KLHL2: variants seen among roughly 807,000 people sequenced by gnomAD.
KLHL2 encodes kelch-like protein 2.
A neutral mutation model predicts 75.8 loss-of-function variants in KLHL2; 15 were observed. The ratio of observed to expected loss-of-function variants is 0.20; its 90% CI spans 0.13 to 0.30. KLHL2 has a LOEUF of 0.30. Ranked by LOEUF, KLHL2 falls within the 10% of genes least tolerant of loss-of-function variation. The pLI is 1.00. For missense variants in KLHL2, 381 were observed against 741.0 expected (o/e 0.51, Z 5.64); for synonymous variants, 214 against 251.9 (o/e 0.85, Z 1.42).
chr4:165,259,070 T>TA (rs1315713168), intron 4 of KLHL2, among the ~76,000 whole-genome samples: 2 of 152,072 alleles, frequency 1.3e-5, no homozygotes, highest in South Asian at 2.1e-4. Context: ...GAAAATAACT[T>TA]AAAAAAATGT....
At chr4:165,242,586 TC>T (rs1382981881) in intron 4 of KLHL2, among the ~76,000 whole-genome samples, 3 of 152,142 alleles carry the variant, frequency 2.0e-5, no homozygotes, top group Non-Finnish European at 4.4e-5. Context: ...AACCTTCTCT[TC>T]CCAGGTTCAA....
Position 165,248,883 on chromosome 4 carries a change from CTG to C in KLHL2, c.381+9985_381+9986del, listed in dbSNP as rs1486184834. ...AGTTTCATGAACAGTAGAGATGTAA[CTG>C]AATATATGTTATTGTTTATGCATAA... On this transcript the variant is annotated intron_variant, in intron 4 of 14. Transcript: ENST00000226725. 2.6e-5 allele frequency among the ~76,000 whole-genome samples: 4 copies of C among 152,228 alleles called. No individual in the cohort carries two copies. The East Asian group carries it at 7.7e-4, about 29-fold the overall frequency.
chr4:165,257,052 T>A (rs1441221207), intron 4 of KLHL2, among the ~76,000 whole-genome samples: 1 of 152,286 alleles, frequency 6.6e-6, no homozygotes, highest in Non-Finnish European at 1.5e-5. Context: ...TAAGTTCTTC[T>A]CAATTTTTTA....
chr4:165,288,265 C>G (rs1259919733), intron 5 of KLHL2, among the ~76,000 whole-genome samples: 1 of 152,090 alleles, frequency 6.6e-6, no homozygotes, highest in African/African-American at 2.4e-5. Context: ...GTTCTTTTCC[C>G]ATTGAGTGGT....
At chr4:165,208,020 T>C in intron 1 of KLHL2, 118 bp downstream of exon 1, 2 of 636,082 alleles carry the variant, frequency 3.1e-6, no homozygotes, top group Non-Finnish European at 4.4e-6. Context: ...AGGTGGGAGA[T>C]GCGGGGCGTG....
At chr4:165,210,144 T>C in intron 1 of KLHL2, 1 of 1,551,722 alleles carries the variant, frequency 6.4e-7, no homozygotes. Context: ...AAGTGCCTTA[T>C]GGTATGGTTG....
Position 165,308,655 on chromosome 4 carries a change from A to G in KLHL2, c.1040-1898A>G, listed in dbSNP as rs529155284. Among the ~76,000 whole-genome samples, 67 of 152,292 alleles carry G rather than the reference A, an allele frequency of 4.4e-4. 1 individual carries two copies. The South Asian group carries it at 7.7e-3, about 17-fold the overall frequency. The stretch of plus-strand genomic sequence containing the variant: ...TTCTCTAAACCTTGGTAAGCATACT[A>G]TGTTACTTCTAAGAGATGGCATATT... On this transcript the variant is annotated intron_variant, in intron 9 of 14. Coordinates refer to ENST00000226725, the MANE Select transcript of KLHL2 (RefSeq NM_007246.4).
At chr4:165,242,973 G>A (rs183255227) in intron 4 of KLHL2, among the ~76,000 whole-genome samples, 3 of 152,340 alleles carry the variant, frequency 2.0e-5, no homozygotes, top group Admixed American at 2.0e-4. Context: ...TTACCCCAAT[G>A]TGATTGAAGA....
chr4:165,220,583 G>T (rs1295336559), intron 2 of KLHL2, among the ~76,000 whole-genome samples: 2 of 152,114 alleles, frequency 1.3e-5, no homozygotes, highest in Non-Finnish European at 1.5e-5. Flanking sequence ...TTAAAAATAA[G>T]AGAATATATT....
At chr4:165,243,051 G>A (rs1195722606) in intron 4 of KLHL2, among the ~76,000 whole-genome samples, 1 of 152,156 alleles carries the variant, frequency 6.6e-6, no homozygotes, top group East Asian at 1.9e-4. Flanking sequence ...TCATTAACTA[G>A]TATTGCTTAC....
intron 6 of KLHL2, 109 bp downstream of exon 6, chr4:165,294,577 G>A: frequency 2.0e-6 from 1 of 509,660 alleles, no homozygotes; most frequent in Non-Finnish European, 3.5e-6. Flanking sequence ...GACAGCCAGT[G>A]ATGTTTCAAC....
chr4:165,305,353 T>A (rs147998377), intron 8 of KLHL2, among the ~76,000 whole-genome samples: 1 of 152,302 alleles, frequency 6.6e-6, no homozygotes, highest in Non-Finnish European at 1.5e-5. Flanking sequence ...CTGCTTTTGC[T>A]TGAAGGATCA....
At chr4:165,272,884 A>C (rs1479303694) in intron 5 of KLHL2, among the ~76,000 whole-genome samples, 1 of 152,182 alleles carries the variant, frequency 6.6e-6, no homozygotes. Context: ...TTTCATGAAA[A>C]ATTATTCACT....
intron 5 of KLHL2, among the ~76,000 whole-genome samples, chr4:165,292,404 C>CA (rs1744587731): frequency 6.6e-6 from 1 of 152,112 alleles, no homozygotes; most frequent in Non-Finnish European, 1.5e-5. Context: ...GTGATCTCGG[C>CA]TTACTGCAAC....
intron 5 of KLHL2, chr4:165,279,778 G>T: frequency 1.1e-5 from 8 of 759,024 alleles, no homozygotes; most frequent in Non-Finnish European, 1.9e-5. Flanking sequence ...TTCTTTACTG[G>T]CTGGCTAGCA....
rs550979764 is a variant in KLHL2, at chr4:165,240,901, A to G, written c.381+2002A>G. On this transcript the variant is annotated intron_variant, in intron 4 of 14. Coordinates refer to ENST00000226725, the MANE Select transcript of KLHL2 (RefSeq NM_007246.4). ...GTTCTTGTGGTGGGGACATGGGCCT[A>G]TTAGGAATTAGGAGAACACCTCTCA... Among the ~76,000 whole-genome samples the G allele has an allele frequency of 2.0e-5, 3 of 152,320 alleles. No individual in the cohort carries two copies. In the East Asian group the frequency reaches 5.8e-4, roughly 29 times the overall value.
intron 5 of KLHL2, among the ~76,000 whole-genome samples, chr4:165,273,383 A>G (rs545504206): frequency 6.6e-6 from 1 of 152,306 alleles, no homozygotes; most frequent in Non-Finnish European, 1.5e-5. Flanking sequence ...TCTTTGGTGT[A>G]TTGATAACTA....
Position 165,264,857 on chromosome 4 carries a change from G to C in KLHL2, c.544+1498G>C, listed in dbSNP as rs1289056774. The stretch of plus-strand genomic sequence containing the variant: ...GTACTGTGATAAACATACACATCTG[G>C]GTGTCTTTTTGATTTAATGATTTCT... On this transcript the variant is annotated intron_variant, in intron 5 of 14. Coordinates refer to ENST00000226725, the MANE Select transcript of KLHL2 (RefSeq NM_007246.4). Among the ~76,000 whole-genome samples the C allele has an allele frequency of 1.3e-5, 2 of 148,210 alleles. 1 individual carries two copies. Among genetic ancestry groups the C allele is most frequent in the South Asian group, 4.3e-4 (2 of 4,610 alleles).
rs995830689 is a variant in KLHL2 at position 165,319,842 on chromosome 4, G to T, written c.1753+1873G>T. 2.0e-5 allele frequency among the ~76,000 whole-genome samples: 3 copies of T among 151,838 alleles called. No homozygotes were observed. The highest frequency in any genetic ancestry group is 2.1e-4 in the South Asian group (1 of 4,818). ...TTTGACTTTTTGGTTTTGGTTTTTG[G>T]TGGGTGCAGGATTGCTGTAAGAAAG... On this transcript the variant is annotated intron_variant, in intron 14 of 14. Coordinates refer to ENST00000226725, the MANE Select transcript of KLHL2 (RefSeq NM_007246.4). The surrounding 1 kb of genome is among the most constrained non-coding windows in gnomAD (Gnocchi z 4.5).
Sources: gnomAD v4.1 joint callset for allele counts (sites outside exome capture counted in the v4.1 genomes callset) on GRCh38, gnomAD v4.1.1 for gene constraint, Gnocchi (gnomAD v3.1) non-coding constraint, MANE v1.5 for transcripts, NCBI Gene and HGNC (gene_info 2026-07-23, HGNC 2026-07-21) for gene names.